PPP1R21: variants seen among roughly 807,000 people sequenced by gnomAD.
PPP1R21 encodes the protein KLRAQ motif containing 1.
A neutral mutation model predicts 112.8 loss-of-function variants in PPP1R21; 85 were observed. The ratio of observed to expected loss-of-function variants is 0.75; its 90% CI spans 0.63 to 0.90. PPP1R21 has a LOEUF of 0.90. Among genes scored for constraint, PPP1R21 ranks in the 40% least tolerant of loss-of-function variants. The pLI is 0.00. For missense variants in PPP1R21, 1,199 were observed against 901.5 expected (o/e 1.33, Z -4.23); for synonymous variants, 381 against 322.3 (o/e 1.18, Z -1.95).
At chr2:48,460,241 G>A in intron 6 of PPP1R21, 88 bp downstream of exon 6, 4 of 1,314,946 alleles carry the variant, frequency 3.0e-6, no homozygotes, top group African/African-American at 2.9e-5. Context: ...TGTTTTAATT[G>A]TCTTACATTT....
At chr2:48,475,603 T>C (rs1469813897) in intron 12 of PPP1R21, among the ~76,000 whole-genome samples, 3 of 150,852 alleles carry the variant, frequency 2.0e-5, no homozygotes, top group Non-Finnish European at 3.0e-5. Flanking sequence ...ATCCCAGCAC[T>C]TTGGGAGGCT....
chr2:48,505,613 A>T lies in PPP1R21; in HGVS notation c.1968+17A>T. On this transcript the variant is annotated intron_variant, in intron 18 of 21. Transcript: ENST00000294952. Reference sequence around the variant, plus strand: ...GACAGTGAGGTAACATGTGCTTGTCATCATGTTGTTTGTTAGTAAATATCT... The same window carrying T: ...GACAGTGAGGTAACATGTGCTTGTCTTCATGTTGTTTGTTAGTAAATATCT... 1 of 1,543,088 alleles carries T rather than the reference A, an allele frequency of 6.5e-7. No homozygotes were observed.
rs148157333 is a variant in PPP1R21 at position 48,497,649 on chromosome 2, C to G, written c.1693-844C>G. On this transcript the variant is annotated intron_variant, in intron 16 of 21. Transcript: ENST00000294952. The stretch of plus-strand genomic sequence containing the variant: ...ATTACTTTTGCACCAACCTATAGTT[C>G]TATTTTTTTTTTTTTTTTTGGAGAC... Among the ~76,000 whole-genome samples, 83 of 148,462 alleles carry G rather than the reference C, an allele frequency of 5.6e-4. 1 individual carries two copies. The East Asian group carries it at 0.015, about 26-fold the overall frequency.
intron 12 of PPP1R21, among the ~76,000 whole-genome samples, 175 bp downstream of exon 12, chr2:48,474,994 AC>A (rs1668686791): frequency 1.3e-5 from 2 of 152,114 alleles, no homozygotes; most frequent in Non-Finnish European, 2.9e-5. Flanking sequence ...AAAGCTCTTG[AC>A]CTCTCTGGAC....
chr2:48,495,653 T>C, intron 15 of PPP1R21, 26 bp from the exon 16 acceptor site: 1 of 1,390,978 alleles, frequency 7.2e-7, no homozygotes, highest in Non-Finnish European at 1.0e-6. Flanking sequence ...ATTTTTTCTT[T>C]AATTCTTATG....
intron 15 of PPP1R21, among the ~76,000 whole-genome samples, chr2:48,491,788 T>C (rs893363082): frequency 1.3e-5 from 2 of 152,100 alleles, no homozygotes; most frequent in African/African-American, 2.4e-5. Flanking sequence ...GATATATTTA[T>C]ATATATCTCA....
chr2:48,492,428 CTA>C (rs1669611423), intron 15 of PPP1R21, among the ~76,000 whole-genome samples: 1 of 151,954 alleles, frequency 6.6e-6, no homozygotes, highest in South Asian at 2.1e-4. Context: ...TAGAGACTGT[CTA>C]TGTCATTTCA....
chr2:48,509,201 T>G (rs918999617), intron 19 of PPP1R21, among the ~76,000 whole-genome samples: 1 of 152,132 alleles, frequency 6.6e-6, no homozygotes, highest in African/African-American at 2.4e-5. Context: ...TTGTGCTCAT[T>G]TTTTCCCTTG....
rs528200310 is a variant in PPP1R21 at position 48,487,527 on chromosome 2, C to G, written c.1446+769C>G. ...CCTGTAATCCCAGCACTTCGAGAGG[C>G]TGAGGCGAGAGTATTGCTTGAGCCC... On this transcript the variant is annotated intron_variant, in intron 14 of 21. Coordinates refer to ENST00000294952, the MANE Select transcript of PPP1R21 (RefSeq NM_001135629.3). Among the ~76,000 whole-genome samples, 34 of 152,178 alleles carry G rather than the reference C, an allele frequency of 2.2e-4. 1 individual carries two copies. In the South Asian group the frequency reaches 7.1e-3, roughly 32 times the overall value.
intron 17 of PPP1R21, among the ~76,000 whole-genome samples, chr2:48,505,178 G>A (rs1288782923): frequency 6.6e-6 from 1 of 152,186 alleles, no homozygotes; most frequent in African/African-American, 2.4e-5. Flanking sequence ...TGTTTGGAAT[G>A]TTTAATTATT....
chr2:48,455,679 G>T (rs116682572), intron 3 of PPP1R21, among the ~76,000 whole-genome samples: 2,324 of 152,140 alleles, frequency 0.015, 33 homozygotes, highest in Non-Finnish European at 0.024. Flanking sequence ...ATCCAAGGTT[G>T]AGCAAATAAA....
intron 13 of PPP1R21, among the ~76,000 whole-genome samples, chr2:48,482,731 G>T (rs1379608702): frequency 6.7e-6 from 1 of 148,454 alleles, no homozygotes. Flanking sequence ...ATAGACCAAC[G>T]TTTCCCAAAG....
At position 48,440,787 on chromosome 2, in the gene PPP1R21, G is replaced by A. The variant is rs1369752910; in HGVS notation, c.-167G>A. The A allele has an allele frequency of 4.8e-6, 3 of 621,340 alleles. No homozygotes were observed. Among genetic ancestry groups the A allele is most frequent in the African/African-American group, 2.0e-5 (1 of 51,188 alleles). The allele number at this position is 621,340 out of a possible 1,614,324, so 38.5% of individuals were successfully genotyped here. ...CCCCACTCCACCTTCCTCCCACCCC[G>A]GGAACCCGGAAGTGGAGGAGGAGGC... On this transcript the variant is annotated 5_prime_UTR_variant, in exon 1 of 22. Transcript: ENST00000294952.
chr2:48,471,595 T>C (rs1668497868), intron 11 of PPP1R21: 2 of 433,762 alleles, frequency 4.6e-6, no homozygotes, highest in Non-Finnish European at 8.1e-6. Context: ...TGTTCTGTAC[T>C]GTGGTTACCA....
At chr2:48,471,472 T>C in intron 11 of PPP1R21, 105 bp downstream of exon 11, 1 of 1,140,476 alleles carries the variant, frequency 8.8e-7, no homozygotes, top group African/African-American at 1.5e-5. Context: ...CTGCCTGACT[T>C]TTCTGCTTCA....
intron 13 of PPP1R21, among the ~76,000 whole-genome samples, chr2:48,485,361 A>T (rs1302932989): frequency 6.6e-6 from 1 of 152,056 alleles, no homozygotes; most frequent in East Asian, 1.9e-4. Flanking sequence ...ATACACTTGG[A>T]CATCTTATGA....
chr2:48,493,011 CTTTTTTTT>C (rs746795481), intron 15 of PPP1R21, among the ~76,000 whole-genome samples: 229 of 96,676 alleles, frequency 2.4e-3, no homozygotes, highest in Admixed American at 3.6e-3. Context: ...GGTCATTTAC[CTTTTTTTT>C]TTTTTTTTTT....
intron 12 of PPP1R21, among the ~76,000 whole-genome samples, chr2:48,477,757 A>G (rs1316384378): frequency 1.3e-5 from 2 of 151,922 alleles, no homozygotes; most frequent in Non-Finnish European, 2.9e-5. Flanking sequence ...TGATGTCTAC[A>G]AAGAAGTCAG....
intron 21 of PPP1R21, among the ~76,000 whole-genome samples, chr2:48,511,787 C>G (rs866835156): frequency 6.6e-6 from 1 of 151,834 alleles, no homozygotes; most frequent in African/African-American, 2.4e-5. Context: ...GGGAAGATTG[C>G]TTGAACCTAG....
Sources: allele counts gnomAD v4.1 joint callset (sites outside exome capture counted in the v4.1 genomes callset), GRCh38; gene constraint gnomAD v4.1.1; transcripts MANE v1.5; gene names NCBI Gene and HGNC (gene_info 2026-07-23, HGNC 2026-07-21).